Variants in IGF2BP2 observed in about 807,000 individuals in gnomAD.
IGF2BP2 encodes insulin like growth factor 2 mRNA binding protein 2, also known as insulin-like growth factor 2 mRNA-binding protein 2.
Under a neutral mutation model 75.8 loss-of-function variants are expected in IGF2BP2, and 17 were observed. The observed-to-expected ratio is 0.22, with a 90% CI of 0.15 to 0.34. The LOEUF is 0.34. Ranked by LOEUF, IGF2BP2 falls within the 10% of genes least tolerant of loss-of-function variation. The pLI is 1.00. For missense variants in IGF2BP2, 516 were observed against 772.4 expected (o/e 0.67, Z 3.93); for synonymous variants, 288 against 295.6 (o/e 0.97, Z 0.26).
At chr3:185,803,003 T>C (rs577057444) in intron 2 of IGF2BP2, among the ~76,000 whole-genome samples, 160 of 152,292 alleles carry the variant, frequency 1.1e-3, no homozygotes, top group African/African-American at 3.8e-3. Context: ...CTAAAATGTA[T>C]CTCAATTTTA....
chr3:185,754,211 AAAAT>A (rs1721383256), intron 2 of IGF2BP2, among the ~76,000 whole-genome samples: 1 of 151,998 alleles, frequency 6.6e-6, no homozygotes. Flanking sequence ...CCTGTCTCAA[AAAAT>A]AAATAAAATA....
chr3:185,799,211 G>C (rs532628438), intron 2 of IGF2BP2, among the ~76,000 whole-genome samples: 1 of 151,720 alleles, frequency 6.6e-6, no homozygotes, highest in Admixed American at 6.6e-5. Context: ...ACCAGCCCAG[G>C]TAAAATAGCA....
chr3:185,725,361 TG>T lies in IGF2BP2; in HGVS notation c.240-27015del, dbSNP rs543273814. Among the ~76,000 whole-genome samples, 7 of 152,254 alleles carry T rather than the reference TG, an allele frequency of 4.6e-5. No homozygotes were observed. The South Asian group carries it at 1.5e-3, about 32-fold the overall frequency. On this transcript the variant is annotated intron_variant, in intron 2 of 15. Transcript: ENST00000382199. Reference sequence around the variant, plus strand: ...TTCCAGAAGGCTAACCTGATTGCAGTGGGCTGAGGTTGTCGGCAGGGGACTC... The same window carrying T: ...TTCCAGAAGGCTAACCTGATTGCAGTGGCTGAGGTTGTCGGCAGGGGACTC...
intron 2 of IGF2BP2, among the ~76,000 whole-genome samples, chr3:185,785,325 T>C (rs994132826): frequency 2.0e-5 from 3 of 146,344 alleles, no homozygotes; most frequent in Non-Finnish European, 4.5e-5. Flanking sequence ...AGAAACGACA[T>C]GATTGCGAAG....
At chr3:185,699,257 G>A (rs572153302) in intron 2 of IGF2BP2, among the ~76,000 whole-genome samples, 1 of 152,214 alleles carries the variant, frequency 6.6e-6, no homozygotes, top group South Asian at 2.1e-4. Context: ...TACCAAAGTA[G>A]TTAGAATTTA....
At chr3:185,730,220 A>C (rs1460391386) in intron 2 of IGF2BP2, among the ~76,000 whole-genome samples, 1 of 152,180 alleles carries the variant, frequency 6.6e-6, no homozygotes, top group Non-Finnish European at 1.5e-5. Context: ...GAGAACATGC[A>C]GTATTTGAGT....
At chr3:185,700,062 T>A (rs1464269761) in intron 2 of IGF2BP2, among the ~76,000 whole-genome samples, 4 of 151,874 alleles carry the variant, frequency 2.6e-5, no homozygotes, top group African/African-American at 7.3e-5. Flanking sequence ...TTTTGGGGGG[T>A]TGCCAGAAAA....
intron 2 of IGF2BP2, among the ~76,000 whole-genome samples, chr3:185,763,408 G>A (rs569479716): frequency 3.3e-5 from 5 of 152,088 alleles, no homozygotes; most frequent in African/African-American, 4.8e-5. Context: ...TTTCTCCTGC[G>A]ACTTAAGCAT....
At chr3:185,718,425 C>T (rs755264741) in intron 2 of IGF2BP2, among the ~76,000 whole-genome samples, 4 of 152,092 alleles carry the variant, frequency 2.6e-5, no homozygotes, top group Non-Finnish European at 4.4e-5. Flanking sequence ...CGGTGGCTCG[C>T]GCCTGTAATT....
At chr3:185,807,327 A>G (rs927671485) in intron 2 of IGF2BP2, among the ~76,000 whole-genome samples, 2 of 152,202 alleles carry the variant, frequency 1.3e-5, no homozygotes, top group African/African-American at 2.4e-5. Context: ...AGCACTGAGA[A>G]CAATTTAGGC....
chr3:185,735,066 GA>G (rs1333891509), intron 2 of IGF2BP2, among the ~76,000 whole-genome samples: 1 of 151,766 alleles, frequency 6.6e-6, no homozygotes, highest in East Asian at 1.9e-4. Context: ...ACAGACTAAA[GA>G]AAATATATTA....
chr3:185,681,285 CACA>C (rs1720350794), intron 7 of IGF2BP2, among the ~76,000 whole-genome samples: 1 of 152,114 alleles, frequency 6.6e-6, no homozygotes, highest in African/African-American at 2.4e-5. Flanking sequence ...CATTTCTATA[CACA>C]ACAATAAACA....
chr3:185,802,025 C>T lies in IGF2BP2; in HGVS notation c.239+21128G>A, dbSNP rs369530338. ...CCAGGGCCTGTCAAGCAGTAGGGGG[C>T]AAGGGGAGGGAGAGCATTAAGACAA... On this transcript the variant is annotated intron_variant, in intron 2 of 15. Coordinates refer to ENST00000382199, the MANE Select transcript of IGF2BP2 (RefSeq NM_006548.6). 7.6e-4 allele frequency among the ~76,000 whole-genome samples: 116 copies of T among 151,784 alleles called. No individual in the cohort carries two copies. The South Asian group carries it at 0.023, about 30-fold the overall frequency.
intron 2 of IGF2BP2, among the ~76,000 whole-genome samples, chr3:185,747,083 G>A (rs1367379496): frequency 6.6e-6 from 1 of 152,176 alleles, no homozygotes; most frequent in African/African-American, 2.4e-5. Flanking sequence ...AAGTCACTAG[G>A]AGCTGAGGAT....
intron 2 of IGF2BP2, among the ~76,000 whole-genome samples, chr3:185,803,925 A>G (rs1012066030): frequency 2.0e-5 from 3 of 152,000 alleles, no homozygotes; most frequent in African/African-American, 7.3e-5. Flanking sequence ...GGAGTTTGAG[A>G]CCAGCCTGGC....
chr3:185,821,991 CCTT>C (rs1310850879), intron 2 of IGF2BP2, among the ~76,000 whole-genome samples: 1 of 149,470 alleles, frequency 6.7e-6, no homozygotes, highest in African/African-American at 2.5e-5. Context: ...TCATAACTCA[CCTT>C]TTTTAAATTA....
chr3:185,687,053 T>A lies in IGF2BP2; in HGVS notation c.812+4A>T, dbSNP rs901051458. 6.2e-7 allele frequency: 1 copy of A among 1,611,780 alleles called. No homozygotes were observed. On this transcript the variant is annotated splice_donor_region_variant and intron_variant, in intron 7 of 15. Transcript: ENST00000382199. ...AGTGATCTGGGCATTGCATGCAAAC[T>A]TACAGTTTGGTCTCATCTGCCTCTT...
chr3:185,718,430 G>A (rs1725986885), intron 2 of IGF2BP2, among the ~76,000 whole-genome samples: 1 of 152,144 alleles, frequency 6.6e-6, no homozygotes, highest in Non-Finnish European at 1.5e-5. Flanking sequence ...GCTCGCGCCT[G>A]TAATTCCAGC....
At chr3:185,773,027 C>T (rs1225243713) in intron 2 of IGF2BP2, among the ~76,000 whole-genome samples, 1 of 152,170 alleles carries the variant, frequency 6.6e-6, no homozygotes, top group East Asian at 1.9e-4. Flanking sequence ...TAGAGGTGCT[C>T]CAGGAGGCCT....
Sources: allele counts gnomAD v4.1 joint callset (sites outside exome capture counted in the v4.1 genomes callset), GRCh38; gene constraint gnomAD v4.1.1; transcripts MANE v1.5; gene names NCBI Gene and HGNC (gene_info 2026-07-23, HGNC 2026-07-21).